Variants in NAPA observed in about 807,000 individuals in gnomAD.
NAPA encodes the protein alpha-soluble NSF attachment protein.
A neutral mutation model predicts 48.0 loss-of-function variants in NAPA; 18 were observed. That is an observed-to-expected ratio of 0.38 (90% CI 0.26 to 0.56). The LOEUF (loss-of-function observed/expected upper bound fraction) is 0.56, where lower values mean the gene tolerates loss of function less well. NAPA is among the 20% of genes least tolerant of loss of function. The pLI is 0.77. For synonymous variants in NAPA, 152 were observed against 149.9 expected, an observed-to-expected ratio of 1.01 and a Z score of -0.10; for missense variants, 315 against 385.0, an observed-to-expected ratio of 0.82 and a Z score of 1.52.
intron 7 of NAPA, chr19:47,492,437 G>A: frequency 2.3e-6 from 1 of 433,434 alleles, no homozygotes; most frequent in Admixed American, 3.7e-5. Flanking sequence ...GGCTGGCATG[G>A]CGGTGGGCAG....
At chr19:47,494,886 T>C (rs1968379992) in intron 4 of NAPA, 1 of 152,526 alleles carries the variant, frequency 6.6e-6, no homozygotes, top group South Asian at 2.1e-4. Context: ...GGGCAGGTGC[T>C]GAGCCTCCTG....
At chr19:47,504,202 T>G (rs960020218) in intron 1 of NAPA, among the ~76,000 whole-genome samples, 4 of 152,056 alleles carry the variant, frequency 2.6e-5, no homozygotes, top group African/African-American at 9.6e-5. Context: ...GAGACCAGCC[T>G]GGGCCACACG....
intron 1 of NAPA, among the ~76,000 whole-genome samples, chr19:47,505,052 CG>C (rs954945699): frequency 6.6e-6 from 1 of 152,112 alleles, no homozygotes; most frequent in Admixed American, 6.5e-5. Flanking sequence ...ACCTCAAACC[CG>C]TAAGTCCCAC....
intron 1 of NAPA, among the ~76,000 whole-genome samples, chr19:47,503,859 C>T (rs976900717): frequency 6.6e-6 from 1 of 152,180 alleles, no homozygotes; most frequent in Non-Finnish European, 1.5e-5. Flanking sequence ...ATCCCCTTTC[C>T]CCGGGAGACT....
At chr19:47,499,713 C>T (rs902717414) in intron 3 of NAPA, among the ~76,000 whole-genome samples, 13 of 152,246 alleles carry the variant, frequency 8.5e-5, no homozygotes, top group South Asian at 4.1e-4. Flanking sequence ...CGTCAGATCA[C>T]GACAAAGGGG....
At position 47,490,773 on chromosome 19, in the gene NAPA, G is replaced by A. The variant is rs934914109; in HGVS notation, c.735+15C>T. ...GAGGTTCGGGAAGGGGGAGGCCGGA[G>A]CACCCAGCACTTACTTTCATCAACT... On this transcript the variant is annotated intron_variant, in intron 9 of 10. Coordinates refer to ENST00000263354, the MANE Select transcript of NAPA (RefSeq NM_003827.4). 6.2e-6 allele frequency: 10 copies of A among 1,612,006 alleles called. 1 individual carries two copies. In the East Asian group the frequency reaches 2.2e-4, roughly 36 times the overall value.
At chr19:47,499,704 G>C (rs1376716242) in intron 3 of NAPA, among the ~76,000 whole-genome samples, 1 of 152,204 alleles carries the variant, frequency 6.6e-6, no homozygotes, top group East Asian at 1.9e-4. Context: ...GAACTAACAC[G>C]TCAGATCACG....
At chr19:47,509,468 C>A (rs1968764006) in intron 1 of NAPA, among the ~76,000 whole-genome samples, 1 of 152,218 alleles carries the variant, frequency 6.6e-6, no homozygotes, top group Non-Finnish European at 1.5e-5. Flanking sequence ...TAAGACTCCA[C>A]ACCTTGCAGG....
chr19:47,514,792 CCTT>C, intron 1 of NAPA, 48 bp downstream of exon 1: 2 of 1,564,900 alleles, frequency 1.3e-6, no homozygotes, highest in Non-Finnish European at 1.8e-6. Flanking sequence ...GAGCGTGACT[CCTT>C]CGTCCTCTCA....
rs79012144 is a variant in NAPA at position 47,515,050 on chromosome 19, T to G, written c.-110A>C. Reference sequence around the variant, plus strand: ...TAAAACTCGCCCGGCTGCGTTGACGTCGCACCGGCGCGCGTCGCTTGCGGC... The same window carrying G: ...TAAAACTCGCCCGGCTGCGTTGACGGCGCACCGGCGCGCGTCGCTTGCGGC... On this transcript the variant is annotated 5_prime_UTR_variant, in exon 1 of 11. Transcript: ENST00000263354. 1.7e-5 allele frequency: 19 copies of G among 1,123,608 alleles called. No homozygotes were observed. Among genetic ancestry groups the G allele is most frequent in the Admixed American group, 7.4e-5 (3 of 40,622 alleles). 69.6% of individuals were successfully genotyped at this position (1,123,608 alleles called of 1,614,324 possible).
intron 10 of NAPA, chr19:47,489,404 T>A: frequency 2.3e-6 from 1 of 436,490 alleles, no homozygotes; most frequent in Non-Finnish European, 4.2e-6. Context: ...CCTGGGGGAC[T>A]CAAGGAACCC....
intron 1 of NAPA, among the ~76,000 whole-genome samples, chr19:47,511,326 G>A (rs1968801354): frequency 6.6e-6 from 1 of 152,182 alleles, no homozygotes; most frequent in African/African-American, 2.4e-5. Context: ...CTCTGGCTGT[G>A]CTCCCAGCTC....
At chr19:47,495,859 G>A (rs2242495) in intron 3 of NAPA, 61,064 of 487,674 alleles carry the variant, frequency 0.13, 4,437 homozygotes, top group East Asian at 0.24. Flanking sequence ...TTCTCTCCTC[G>A]GGCTGCCAGG....
Position 47,488,369 on chromosome 19 carries a change from G to A in NAPA, c.807C>T (p.Ile269=). The change falls in exon 11 of 11, where the codon ATC becomes ATT. Residue 269 remains isoleucine (I), a synonymous_variant. Coordinates refer to ENST00000263354, the MANE Select transcript of NAPA (RefSeq NM_003827.4). ...TGGTGAGCCACTGGTCCAGCCGGGAGATGGAGTCGTATTCCTTCACCTGAG... is the reference window on the plus strand; with the variant it reads ...TGGTGAGCCACTGGTCCAGCCGGGAAATGGAGTCGTATTCCTTCACCTGAG... ...YTESVKEYDS[I]SRLDQWLTTM... 1 of 1,613,566 alleles carries A rather than the reference G, an allele frequency of 6.2e-7. No individual in the cohort carries two copies. Among genetic ancestry groups the A allele is most frequent in the African/African-American group, 1.3e-5 (1 of 75,034 alleles).
chr19:47,489,925 C>T (rs950520923), intron 9 of NAPA, among the ~76,000 whole-genome samples, 164 bp from the exon 10 acceptor site: 5 of 152,124 alleles, frequency 3.3e-5, no homozygotes, highest in African/African-American at 1.2e-4. Context: ...TGGGTACGGG[C>T]GTGTTGCGAT....
Position 47,493,632 on chromosome 19 carries a change from T to C in NAPA, c.343-139A>G, listed in dbSNP as rs1599897751. On this transcript the variant is annotated intron_variant, in intron 4 of 10. Coordinates refer to ENST00000263354, the MANE Select transcript of NAPA (RefSeq NM_003827.4). This position sits in a 1 kb window ranked among gnomAD's most constrained non-coding sequence, Gnocchi z 6.4. ...AAGAAGACCTGAGGTGTGAAGAAGA[T>C]CGAGAGGTGGGGGAACACAGGAGTG... is the stretch of plus-strand genomic sequence containing the variant. 2 of 725,188 alleles carry C rather than the reference T, an allele frequency of 2.8e-6. No individual in the cohort carries two copies. Among genetic ancestry groups the C allele is most frequent in the East Asian group, 2.6e-5 (1 of 39,178 alleles). The allele number at this position is 725,188 out of a possible 1,614,324, so 44.9% of individuals were successfully genotyped here.
chr19:47,507,467 GC>G (rs1968714533), intron 1 of NAPA, among the ~76,000 whole-genome samples: 1 of 152,132 alleles, frequency 6.6e-6, no homozygotes, highest in Non-Finnish European at 1.5e-5. Context: ...ACCACCTGCA[GC>G]TCCCGAAGGA....
intron 9 of NAPA, 46 bp downstream of exon 9, chr19:47,490,742 C>T: frequency 6.3e-7 from 1 of 1,575,326 alleles, no homozygotes; most frequent in Non-Finnish European, 8.7e-7. Context: ...CCAGCCACCC[C>T]CGTCTGAGGT....
intron 3 of NAPA, chr19:47,497,265 G>A (rs756419244): frequency 1.8e-5 from 3 of 164,286 alleles, no homozygotes; most frequent in Admixed American, 6.2e-5. Context: ...GGGCTGAGGC[G>A]GCAAAGGCTG....
Sources: allele counts gnomAD v4.1 joint callset (sites outside exome capture counted in the v4.1 genomes callset), GRCh38; gene constraint gnomAD v4.1.1; non-coding constraint Gnocchi (gnomAD v3.1); transcripts MANE v1.5; gene names NCBI Gene and HGNC (gene_info 2026-07-23, HGNC 2026-07-21).